COG6: variants seen among roughly 807,000 people sequenced by gnomAD.
COG6 encodes the protein conserved oligomeric Golgi complex subunit 6.
In COG6, 74 loss-of-function variants were observed where a neutral mutation model predicts 88.8. The observed-to-expected ratio is 0.83, with a 90% CI of 0.69 to 1.01. The LOEUF (loss-of-function observed/expected upper bound fraction) is 1.01, where lower values mean the gene tolerates loss of function less well. Ranked by LOEUF, COG6 falls within the 50% of genes least tolerant of loss-of-function variation. COG6 has a pLI of 0.00. For synonymous variants in COG6, 286 were observed against 278.7 expected (o/e 1.03, Z -0.26); for missense variants, 800 against 797.9 (o/e 1.00, Z -0.03).
At chr13:39,744,184 A>G (rs1285300895) in intron 18 of COG6, among the ~76,000 whole-genome samples, 1 of 152,184 alleles carries the variant, frequency 6.6e-6, no homozygotes, top group East Asian at 1.9e-4. Flanking sequence ...TTCCCTTTGA[A>G]AACTGGCACA....
chr13:39,775,332 G>C (rs192482853), intron 18 of COG6, among the ~76,000 whole-genome samples: 2 of 152,262 alleles, frequency 1.3e-5, no homozygotes, highest in East Asian at 3.9e-4. Context: ...GCATTCACTG[G>C]ATGTTAGCTC....
At chr13:39,730,355 A>G (rs1879367602) in intron 18 of COG6, among the ~76,000 whole-genome samples, 1 of 152,220 alleles carries the variant, frequency 6.6e-6, no homozygotes. Flanking sequence ...TTGGAAAATT[A>G]AATGTGATCT....
intron 8 of COG6, among the ~76,000 whole-genome samples, chr13:39,684,243 A>AGTTTTTTTTTT (rs1876491559): frequency 1.5e-5 from 1 of 67,382 alleles, no homozygotes; most frequent in Non-Finnish European, 2.5e-5. Context: ...AATTTGGAAG[A>AGTTTTTTTTTT]TTTTTTTTTT....
rs1879638584 is a variant in COG6 at position 39,734,654 on chromosome 13, T to A, written c.1826+7106T>A. Among the ~76,000 whole-genome samples, 4 of 152,184 alleles carry A rather than the reference T, an allele frequency of 2.6e-5. 1 individual carries two copies. The South Asian group carries it at 8.3e-4, about 31-fold the overall frequency. Reference sequence around the variant, plus strand: ...CAGATTAAGTCCAATATTTCTTTTTTAATTTTCTCTCTGGGAAGTCTGTCC... The same window carrying A: ...CAGATTAAGTCCAATATTTCTTTTTAAATTTTCTCTCTGGGAAGTCTGTCC... On this transcript the variant is annotated intron_variant, in intron 18 of 18. Coordinates refer to ENST00000455146, the MANE Select transcript of COG6 (RefSeq NM_020751.3).
intron 13 of COG6, among the ~76,000 whole-genome samples, chr13:39,706,098 TA>T (rs1302641629): frequency 6.6e-6 from 1 of 151,246 alleles, no homozygotes; most frequent in Non-Finnish European, 1.5e-5. Context: ...TTTATTGACT[TA>T]AAAACTTAAA....
At chr13:39,676,162 A>G (rs765784090) in intron 4 of COG6, among the ~76,000 whole-genome samples, 30 of 152,102 alleles carry the variant, frequency 2.0e-4, no homozygotes, top group Admixed American at 6.6e-4. Flanking sequence ...TCGTTGACCA[A>G]TCTCTTCCTG....
chr13:39,677,124 C>T (rs1300222553), intron 4 of COG6, among the ~76,000 whole-genome samples: 3 of 152,118 alleles, frequency 2.0e-5, no homozygotes, highest in African/African-American at 7.2e-5. Context: ...ATATTTCTCT[C>T]TTATAAAAGC....
At chr13:39,662,742 ATAG>A (rs1463747779) in intron 3 of COG6, among the ~76,000 whole-genome samples, 2 of 152,148 alleles carry the variant, frequency 1.3e-5, no homozygotes, top group East Asian at 1.9e-4. Flanking sequence ...ATCATTTTTA[ATAG>A]TAGGAGGTCC....
intron 18 of COG6, among the ~76,000 whole-genome samples, chr13:39,785,699 T>C (rs1881752268): frequency 6.6e-6 from 1 of 152,174 alleles, no homozygotes; most frequent in African/African-American, 2.4e-5. Context: ...TTTGAATTAT[T>C]TAATATTTTT....
chr13:39,684,497 G>T (rs963499861), intron 8 of COG6, among the ~76,000 whole-genome samples: 3 of 151,764 alleles, frequency 2.0e-5, no homozygotes, highest in Non-Finnish European at 2.9e-5. Context: ...TGATCCACCC[G>T]CCTCGGCCTC....
At chr13:39,728,949 C>T (rs942434969) in intron 18 of COG6, among the ~76,000 whole-genome samples, 1 of 152,118 alleles carries the variant, frequency 6.6e-6, no homozygotes, top group Non-Finnish European at 1.5e-5. Flanking sequence ...AGGTGTGAGC[C>T]ACTGCGCCCG....
rs971876540 is a variant in COG6, at chr13:39,688,965, A to G, written c.1010-795A>G. Among the ~76,000 whole-genome samples, 57 of 152,202 alleles carry G rather than the reference A, an allele frequency of 3.7e-4. 2 individuals carry two copies. Reference sequence around the variant, plus strand: ...TATCTGCAAGATGAGTCAGTGTTACAAATTGGTGGTAATACTAACTTTATA... The same window carrying G: ...TATCTGCAAGATGAGTCAGTGTTACGAATTGGTGGTAATACTAACTTTATA... On this transcript the variant is annotated intron_variant, in intron 10 of 18. Coordinates refer to ENST00000455146, the MANE Select transcript of COG6 (RefSeq NM_020751.3).
intron 16 of COG6, among the ~76,000 whole-genome samples, chr13:39,724,141 CA>C (rs775803935): frequency 1.8e-4 from 27 of 151,954 alleles, no homozygotes; most frequent in Non-Finnish European, 3.7e-4. Flanking sequence ...AAATTTCTAC[CA>C]GTAGGAACCA....
intron 10 of COG6, among the ~76,000 whole-genome samples, chr13:39,688,618 C>T (rs759556626): frequency 1.8e-4 from 28 of 152,182 alleles, no homozygotes; most frequent in Middle Eastern, 3.4e-3. Context: ...CCCCCACCTC[C>T]GACATTGGGG....
chr13:39,694,649 G>A lies in COG6; in HGVS notation c.1090G>A (p.Val364Ile). 1 of 1,594,228 alleles carries A rather than the reference G, an allele frequency of 6.3e-7. No individual in the cohort carries two copies. Among genetic ancestry groups the A allele is most frequent in the Non-Finnish European group, 8.6e-7 (1 of 1,163,772 alleles). ...ATTTTAATAGGTTCGAATTGAGCAA[G>A]TAATAGTTGCTGAACCTGGGGCAGT... Reference protein sequence around the residue: ...CRPLKVRIEQVIVAEPGAVLL... With the variant: ...CRPLKVRIEQIIVAEPGAVLL... The change falls in exon 12 of 19, where the codon GTA (valine) becomes ATA (isoleucine). Residue 364 changes from valine (V) to isoleucine (I), a missense_variant. By Grantham distance (29) the Val-to-Ile change is conservative. Coordinates refer to ENST00000455146, the MANE Select transcript of COG6 (RefSeq NM_020751.3).
chr13:39,696,483 A>G (rs1398166243), intron 12 of COG6, among the ~76,000 whole-genome samples: 1 of 151,902 alleles, frequency 6.6e-6, no homozygotes, highest in African/African-American at 2.4e-5. Context: ...TGTGAATAAT[A>G]TGAAGGAGTT....
intron 18 of COG6, among the ~76,000 whole-genome samples, chr13:39,769,088 T>A (rs1881245629): frequency 6.6e-6 from 1 of 152,230 alleles, no homozygotes; most frequent in East Asian, 1.9e-4. Context: ...CATTGCTGTA[T>A]AATCCACTGT....
chr13:39,687,791 C>T lies in COG6; in HGVS notation c.1001C>T (p.Thr334Ile), dbSNP rs765824401. The T allele has an allele frequency of 3.1e-6, 5 of 1,611,724 alleles. No homozygotes were observed. In the East Asian group the frequency reaches 1.1e-4, roughly 36 times the overall value. The change falls in exon 10 of 19, where the codon ACT becomes ATT. Residue 334 changes from threonine to isoleucine, a missense_variant. Thr to Ile is a moderately conservative substitution (Grantham distance 89, BLOSUM62 -1). Coordinates refer to ENST00000455146, the MANE Select transcript of COG6 (RefSeq NM_020751.3). ...EHLEALLKHV[T>I]TQGVEENIQE... ...CTTGAAGCTCTCTTAAAGCATGTAA[C>T]TACACAAGGTGGGTCCACCAATTGT...
intron 18 of COG6, among the ~76,000 whole-genome samples, chr13:39,780,234 G>A (rs1164429437): frequency 1.3e-5 from 2 of 152,168 alleles, no homozygotes; most frequent in South Asian, 2.1e-4. Context: ...GGGAAAAGAA[G>A]ATGTTTGATA....
Sources: gnomAD v4.1 joint callset for allele counts (sites outside exome capture counted in the v4.1 genomes callset) on GRCh38, gnomAD v4.1.1 for gene constraint, MANE v1.5 for transcripts, NCBI Gene and HGNC (gene_info 2026-07-23, HGNC 2026-07-21) for gene names.